The following PRKG1 variants were observed in gnomAD, a reference collection of about 807,000 sequenced individuals.
The protein encoded by PRKG1 is cGMP-dependent protein kinase 1.
In PRKG1, 35 loss-of-function variants were observed where a neutral mutation model predicts 88.1. That is an observed-to-expected ratio of 0.40 (90% confidence interval 0.30 to 0.53). The LOEUF (loss-of-function observed/expected upper bound fraction) is 0.53, where lower values mean the gene tolerates loss of function less well. Among genes scored for constraint, PRKG1 ranks in the 20% least tolerant of loss-of-function variants. The pLI is 0.59. For synonymous variants in PRKG1, 303 were observed against 292.5 expected, an observed-to-expected ratio of 1.04 and a Z score of -0.37; for missense variants, 540 against 839.8, an observed-to-expected ratio of 0.64 and a Z score of 4.41.
chr10:52,221,976 A>G (rs763822864), intron 9 of PRKG1, among the ~76,000 whole-genome samples: 6 of 152,172 alleles, frequency 3.9e-5, no homozygotes, highest in Non-Finnish European at 2.9e-5. Flanking sequence ...TGCATAGATG[A>G]TGGGTAAATA....
At chr10:51,908,732 TAA>T (rs1564703487) in intron 5 of PRKG1, 15 of 88,438 alleles carry the variant, frequency 1.7e-4, no homozygotes, top group African/African-American at 8.0e-4. Flanking sequence ...TATCTATATG[TAA>T]TTTTTTTTTT....
rs368191524 is a variant in PRKG1, at chr10:51,218,979, C to G, written c.478+65649C>G. ...TTACCTTGGGCAAGTTATTTAACCT[C>G]TCAAAGTCTCAGTTTCCTCATCTCT... On this transcript the variant is annotated intron_variant, in intron 2 of 17. Transcript: ENST00000373980. Among the ~76,000 whole-genome samples, 5 of 152,266 alleles carry G rather than the reference C, an allele frequency of 3.3e-5. No homozygotes were observed. In the East Asian group the frequency reaches 5.8e-4, roughly 18 times the overall value.
intron 3 of PRKG1, among the ~76,000 whole-genome samples, chr10:51,729,538 C>A (rs1360731131): frequency 1.3e-5 from 2 of 151,552 alleles, no homozygotes; most frequent in African/African-American, 4.8e-5. Context: ...GAAACCCTGT[C>A]TCTACTAAAA....
In PRKG1 at chr10:51,534,494, T is replaced by C. The variant is rs112480870; in HGVS notation, c.592+66658T>C. On this transcript the variant is annotated intron_variant, in intron 3 of 17. Transcript: ENST00000373980. ...CCATCCTGGCTAACATGGTGAAACCTCGTCTCTCCTAAAAATACAAAACAT... is the reference window on the plus strand; with the variant it reads ...CCATCCTGGCTAACATGGTGAAACCCCGTCTCTCCTAAAAATACAAAACAT... Among the ~76,000 whole-genome samples, 410 of 151,630 alleles carry C rather than the reference T, an allele frequency of 2.7e-3. 3 individuals are homozygous for C. Among genetic ancestry groups the C allele is most frequent in the African/African-American group, 9.3e-3 (386 of 41,354 alleles).
chr10:51,775,228 T>C (rs573473054), intron 3 of PRKG1, among the ~76,000 whole-genome samples: 2 of 152,254 alleles, frequency 1.3e-5, no homozygotes, highest in African/African-American at 4.8e-5. Context: ...TCTATTCTGG[T>C]AGTGATGAAT....
chr10:52,272,318 G>T, intron 11 of PRKG1, 74 bp from the exon 12 acceptor site: 1 of 1,145,848 alleles, frequency 8.7e-7, no homozygotes, highest in South Asian at 1.5e-5. Flanking sequence ...ACTATAATCT[G>T]GGCCCCCCAA....
rs80270819 is a variant in PRKG1, at chr10:51,371,358, G to C, written c.479-96365G>C. On this transcript the variant is annotated intron_variant, in intron 2 of 17. Transcript: ENST00000373980. ...TTTGAGACCAGCCTGAGCAACATTA[G>C]AGACCCATCTCTTTAAAAAAATAAA... 8.0e-3 allele frequency among the ~76,000 whole-genome samples: 1,213 copies of C among 151,932 alleles called. 15 individuals carry two copies. The highest frequency in any genetic ancestry group is 0.027 in the African/African-American group (1,139 of 41,434).
intron 5 of PRKG1, among the ~76,000 whole-genome samples, chr10:52,027,199 T>C (rs1845364291): frequency 6.6e-6 from 1 of 152,100 alleles, no homozygotes; most frequent in South Asian, 2.1e-4. Context: ...ATCACTCAAG[T>C]GTACTTGTTA....
chr10:52,107,294 T>C (rs1847449868), intron 7 of PRKG1, among the ~76,000 whole-genome samples: 1 of 152,214 alleles, frequency 6.6e-6, no homozygotes, highest in African/African-American at 2.4e-5. Flanking sequence ...AGAAGTACAT[T>C]TTAGACAAAG....
intron 3 of PRKG1, among the ~76,000 whole-genome samples, chr10:51,475,372 G>A (rs1840161278): frequency 6.6e-6 from 1 of 151,940 alleles, no homozygotes; most frequent in Non-Finnish European, 1.5e-5. Flanking sequence ...TTTTGGGGGT[G>A]GGTCACAGCT....
At chr10:51,078,588 TTATA>T (rs1427848870) in intron 1 of PRKG1, among the ~76,000 whole-genome samples, 27 of 128,978 alleles carry the variant, frequency 2.1e-4, no homozygotes, top group South Asian at 7.1e-4. Context: ...AAATATTTAT[TTATA>T]TTTATTTATT....
intron 2 of PRKG1, among the ~76,000 whole-genome samples, chr10:51,213,938 C>T (rs571628133): frequency 1.3e-5 from 2 of 152,128 alleles, no homozygotes; most frequent in Non-Finnish European, 2.9e-5. Context: ...AAAAGAATGG[C>T]CTTTTGTTTA....
chr10:51,706,233 T>G (rs1366565061), intron 3 of PRKG1, among the ~76,000 whole-genome samples: 1 of 152,208 alleles, frequency 6.6e-6, no homozygotes, highest in East Asian at 1.9e-4. Flanking sequence ...CCCAAAATGC[T>G]TAGTGTATTT....
chr10:52,270,464 C>T (rs1244224186), intron 10 of PRKG1, among the ~76,000 whole-genome samples: 3 of 152,008 alleles, frequency 2.0e-5, no homozygotes, highest in Admixed American at 2.0e-4. Context: ...AGACTTGGAA[C>T]CAACCCAAGT....
chr10:51,975,205 AC>A (rs1170373238), intron 5 of PRKG1, among the ~76,000 whole-genome samples: 1 of 152,104 alleles, frequency 6.6e-6, no homozygotes, highest in Non-Finnish European at 1.5e-5. Flanking sequence ...GTTCAGAGAT[AC>A]TAAGTAATTT....
intron 3 of PRKG1, among the ~76,000 whole-genome samples, chr10:51,600,054 C>T (rs1381194430): frequency 6.6e-6 from 1 of 152,128 alleles, no homozygotes; most frequent in African/African-American, 2.4e-5. Flanking sequence ...TATTTTTAAA[C>T]TGATTTTCAT....
intron 4 of PRKG1, among the ~76,000 whole-genome samples, chr10:51,847,840 T>TAAAAAAAAAA (rs766423513): frequency 2.8e-5 from 1 of 35,200 alleles, no homozygotes; most frequent in African/African-American, 1.0e-4. Context: ...AAGACTCTGT[T>TAAAAAAAAAA]AAAAAAAAAA....
At chr10:51,756,609 A>G (rs1837871655) in intron 3 of PRKG1, among the ~76,000 whole-genome samples, 1 of 151,906 alleles carries the variant, frequency 6.6e-6, no homozygotes, top group African/African-American at 2.4e-5. Context: ...AGGTCAGGAG[A>G]TTGAGACCAT....
chr10:51,051,768 A>C (rs1843564889), intron 1 of PRKG1, among the ~76,000 whole-genome samples: 2 of 152,172 alleles, frequency 1.3e-5, no homozygotes, highest in African/African-American at 4.8e-5. Context: ...GCTATCACCT[A>C]GCGACATCTT....
Sources: gnomAD v4.1 joint callset for allele counts (sites outside exome capture counted in the v4.1 genomes callset) on GRCh38, gnomAD v4.1.1 for gene constraint, MANE v1.5 for transcripts, NCBI Gene and HGNC (gene_info 2026-07-23, HGNC 2026-07-21) for gene names.